Variants in KIAA0825 observed in about 807,000 individuals in gnomAD.
KIAA0825 encodes the protein uncharacterized protein KIAA0825.
In KIAA0825, 119 loss-of-function variants were observed where a neutral mutation model predicts 147.6. That is an observed-to-expected ratio of 0.81 (90% CI 0.69 to 0.94). KIAA0825 has a LOEUF of 0.94. KIAA0825 is among the 40% of genes least tolerant of loss of function. The pLI is 0.00. For missense variants in KIAA0825, 1,381 were observed against 1,472.7 expected (o/e 0.94, Z 1.02); for synonymous variants, 470 against 518.1 (o/e 0.91, Z 1.26).
chr5:94,193,775 C>G (rs951775864), intron 20 of KIAA0825, among the ~76,000 whole-genome samples: 4 of 152,184 alleles, frequency 2.6e-5, no homozygotes, highest in African/African-American at 9.7e-5. Context: ...ATGGAAGAGA[C>G]TGGATTCAAA....
At chr5:94,352,695 T>A (rs1783813590) in intron 20 of KIAA0825, among the ~76,000 whole-genome samples, 1 of 152,154 alleles carries the variant, frequency 6.6e-6, no homozygotes. Flanking sequence ...AATGAGTGGA[T>A]AAAGAAACTG....
chr5:94,394,070 T>C (rs988679460), intron 17 of KIAA0825, among the ~76,000 whole-genome samples: 27 of 152,006 alleles, frequency 1.8e-4, no homozygotes, highest in African/African-American at 6.0e-4. Flanking sequence ...CAGGCTGGTC[T>C]CGAACTCCTG....
chr5:94,491,798 T>A (rs1208660829), intron 5 of KIAA0825, among the ~76,000 whole-genome samples: 2 of 152,184 alleles, frequency 1.3e-5, no homozygotes, highest in Non-Finnish European at 2.9e-5. Context: ...TGAGGAGGCT[T>A]CCGTATGTAC....
At chr5:94,585,236 T>A (rs1287029352) in intron 1 of KIAA0825, among the ~76,000 whole-genome samples, 1 of 152,096 alleles carries the variant, frequency 6.6e-6, no homozygotes, top group Non-Finnish European at 1.5e-5. Flanking sequence ...ATTAAAAGAC[T>A]CAGACTGGCA....
chr5:94,211,225 C>G (rs1263557006), intron 20 of KIAA0825, among the ~76,000 whole-genome samples: 1 of 152,092 alleles, frequency 6.6e-6, no homozygotes, highest in African/African-American at 2.4e-5. Context: ...TTTAATTTAG[C>G]TTGGGTTTCA....
At chr5:94,214,869 A>G (rs1447314667) in intron 20 of KIAA0825, among the ~76,000 whole-genome samples, 1 of 152,200 alleles carries the variant, frequency 6.6e-6, no homozygotes, top group African/African-American at 2.4e-5. Context: ...AAAAACAACC[A>G]ACAAACAAAC....
intron 20 of KIAA0825, among the ~76,000 whole-genome samples, chr5:94,328,252 T>G (rs1780906273): frequency 6.6e-6 from 1 of 152,022 alleles, no homozygotes; most frequent in Non-Finnish European, 1.5e-5. Flanking sequence ...ACATAAAAAT[T>G]AATCTTGCAG....
At chr5:94,360,355 G>A (rs1257483656) in intron 20 of KIAA0825, among the ~76,000 whole-genome samples, 1 of 152,130 alleles carries the variant, frequency 6.6e-6, no homozygotes, top group African/African-American at 2.4e-5. Flanking sequence ...GTTGTCAGAG[G>A]TGTTTGAACC....
At chr5:94,564,400 G>GTA (rs1778187713) in intron 2 of KIAA0825, among the ~76,000 whole-genome samples, 1 of 139,720 alleles carries the variant, frequency 7.2e-6, no homozygotes. Flanking sequence ...GTGTGTGTGT[G>GTA]TGTGTGATGG....
At chr5:94,436,438 C>T (rs974618318) in intron 14 of KIAA0825, among the ~76,000 whole-genome samples, 5 of 151,964 alleles carry the variant, frequency 3.3e-5, no homozygotes, top group Admixed American at 1.3e-4. Flanking sequence ...TGTAGGTGTG[C>T]GATCTTATTT....
chr5:94,582,610 T>A (rs554048585), intron 1 of KIAA0825, 27 bp from the exon 2 acceptor site: 1 of 152,272 alleles, frequency 6.6e-6, no homozygotes, highest in East Asian at 1.9e-4. Flanking sequence ...TAAAGCTTTA[T>A]CACTGCCACA....
intron 20 of KIAA0825, among the ~76,000 whole-genome samples, chr5:94,254,227 T>C (rs17083496): frequency 0.31 from 46,938 of 152,038 alleles, 7,415 homozygotes; most frequent in South Asian, 0.42. Context: ...ATTAAATATA[T>C]GGAAAGCTTT....
intron 1 of KIAA0825, chr5:94,594,585 G>C: frequency 2.8e-6 from 2 of 704,000 alleles, no homozygotes; most frequent in South Asian, 2.9e-5. Context: ...TGAAAGGATT[G>C]CTTTGGAATT....
At chr5:94,301,442 C>G (rs996948937) in intron 20 of KIAA0825, among the ~76,000 whole-genome samples, 1 of 151,858 alleles carries the variant, frequency 6.6e-6, no homozygotes, top group Non-Finnish European at 1.5e-5. Flanking sequence ...ACTCACCTAA[C>G]AAACATTGCT....
At position 94,151,131 on chromosome 5, in the gene KIAA0825, A is replaced by C. The variant is rs1217317619; in HGVS notation, c.*2876T>G. Among the ~76,000 whole-genome samples, 1 of 152,190 alleles carries C rather than the reference A, an allele frequency of 6.6e-6. No homozygotes were observed. The highest frequency in any genetic ancestry group is 1.5e-5 in the Non-Finnish European group (1 of 68,036). ...TACCACTTCTTATTATACTTAAAAA[A>C]ACATGGCCGGGCGCGGTGGCTCACG... On this transcript the variant is annotated 3_prime_UTR_variant, in exon 21 of 21. Coordinates refer to ENST00000682413, the MANE Select transcript of KIAA0825 (RefSeq NM_001145678.3).
chr5:94,380,090 T>C (rs1036347456), intron 20 of KIAA0825, among the ~76,000 whole-genome samples: 1 of 151,978 alleles, frequency 6.6e-6, no homozygotes, highest in Non-Finnish European at 1.5e-5. Context: ...CCTGACCTCA[T>C]GATCCACCCG....
intron 2 of KIAA0825, chr5:94,567,561 G>A (rs1411725131): frequency 1.3e-5 from 2 of 152,254 alleles, no homozygotes; most frequent in Non-Finnish European, 2.9e-5. Flanking sequence ...TTCATCGGCT[G>A]AGAGGGCGTA....
intron 20 of KIAA0825, among the ~76,000 whole-genome samples, chr5:94,335,872 T>A (rs1781740379): frequency 6.6e-6 from 1 of 152,222 alleles, no homozygotes; most frequent in African/African-American, 2.4e-5. Flanking sequence ...GCTTTTTAAT[T>A]TGACCCTGCC....
intron 20 of KIAA0825, among the ~76,000 whole-genome samples, chr5:94,336,384 A>T (rs1781794126): frequency 6.6e-6 from 1 of 151,258 alleles, no homozygotes; most frequent in Non-Finnish European, 1.5e-5. Flanking sequence ...TACATTACAT[A>T]TTTCTCCTAA....
Sources: gnomAD v4.1 joint callset for allele counts (sites outside exome capture counted in the v4.1 genomes callset) on GRCh38, gnomAD v4.1.1 for gene constraint, MANE v1.5 for transcripts, NCBI Gene and HGNC (gene_info 2026-07-23, HGNC 2026-07-21) for gene names.